The following PRKG1 variants were observed in gnomAD, a reference collection of about 807,000 sequenced individuals.
PRKG1 encodes protein kinase cGMP-dependent 1.
A neutral mutation model predicts 88.1 loss-of-function variants in PRKG1; 35 were observed. The observed-to-expected ratio is 0.40, with a 90% CI of 0.30 to 0.53. The LOEUF (loss-of-function observed/expected upper bound fraction) is 0.53, where lower values mean the gene tolerates loss of function less well. Ranked by LOEUF, PRKG1 falls within the 20% of genes least tolerant of loss-of-function variation. The probability of loss-of-function intolerance (pLI) is 0.59; values close to 1 mark genes in which losing one functional copy is unlikely to be tolerated. For missense variants in PRKG1, 540 were observed against 839.8 expected (o/e 0.64, Z 4.41); for synonymous variants, 303 against 292.5 (o/e 1.04, Z -0.37).
At chr10:51,754,156 T>A (rs191728730) in intron 3 of PRKG1, among the ~76,000 whole-genome samples, 134 of 152,278 alleles carry the variant, frequency 8.8e-4, no homozygotes, top group African/African-American at 3.2e-3. Flanking sequence ...CTTAGTTTGA[T>A]AATGATTGTT....
intron 3 of PRKG1, among the ~76,000 whole-genome samples, chr10:51,716,660 T>C (rs1308947216): frequency 6.6e-6 from 1 of 152,156 alleles, no homozygotes; most frequent in Non-Finnish European, 1.5e-5. Context: ...TGACCTCCTT[T>C]GAAGTGAATG....
intron 7 of PRKG1, among the ~76,000 whole-genome samples, chr10:52,110,650 A>T (rs1304185470): frequency 6.6e-6 from 1 of 152,104 alleles, no homozygotes; most frequent in Non-Finnish European, 1.5e-5. Context: ...CATAGTTTAG[A>T]GCTATGCTTC....
At chr10:51,662,360 T>C (rs914338468) in intron 3 of PRKG1, among the ~76,000 whole-genome samples, 3 of 152,162 alleles carry the variant, frequency 2.0e-5, no homozygotes, top group Admixed American at 1.3e-4. Flanking sequence ...TTTTAGAGTA[T>C]CTTTTTCTTG....
chr10:51,365,993 C>T (rs1007790743), intron 2 of PRKG1, among the ~76,000 whole-genome samples: 11 of 151,718 alleles, frequency 7.3e-5, no homozygotes, highest in Non-Finnish European at 1.3e-4. Flanking sequence ...GACTCTATCA[C>T]TCAAGTTCTA....
chr10:51,191,480 A>G (rs775810431), intron 2 of PRKG1, among the ~76,000 whole-genome samples: 1 of 151,836 alleles, frequency 6.6e-6, no homozygotes, highest in Non-Finnish European at 1.5e-5. Flanking sequence ...TTCAAAATAT[A>G]ATTAGGTGAA....
intron 2 of PRKG1, among the ~76,000 whole-genome samples, chr10:51,179,564 G>C (rs1837291525): frequency 6.6e-6 from 1 of 152,168 alleles, no homozygotes; most frequent in Admixed American, 6.5e-5. Context: ...CCACTGGAAG[G>C]CTGAAAGTTT....
intron 3 of PRKG1, among the ~76,000 whole-genome samples, chr10:51,535,250 T>C (rs1033472902): frequency 3.3e-5 from 5 of 152,180 alleles, no homozygotes; most frequent in Admixed American, 3.3e-4. Flanking sequence ...ACAGGAAATG[T>C]TAATATATTA....
chr10:52,092,211 C>T (rs1904020), intron 7 of PRKG1, among the ~76,000 whole-genome samples: 150,550 of 152,280 alleles, frequency 0.99, 74,449 homozygotes, highest in Middle Eastern at 1. Flanking sequence ...TGACAATACG[C>T]ATTTTAGGTA....
rs12264780 is a variant in PRKG1 at position 51,211,101 on chromosome 10, A to G, written c.478+57771A>G. On this transcript the variant is annotated intron_variant, in intron 2 of 17. Coordinates refer to ENST00000373980, the MANE Select transcript of PRKG1 (RefSeq NM_006258.4). The stretch of plus-strand genomic sequence containing the variant: ...GGCAAAACGAATCCAGCAACACATC[A>G]AAAAGCTTATCCAACATGATCAAGT... 1.6e-3 allele frequency among the ~76,000 whole-genome samples: 245 copies of G among 152,350 alleles called. 1 individual carries two copies. The highest frequency in any genetic ancestry group is 5.6e-3 in the African/African-American group (234 of 41,588).
chr10:52,072,158 C>CTTTTTTTTTTTTTTTTTTT lies in PRKG1; in HGVS notation c.935+9535_935+9553dup, dbSNP rs60576406. On this transcript the variant is annotated intron_variant, in intron 7 of 17. Transcript: ENST00000373980. ...GAGACTCTCAGGGTTTATTGTTTTGCTTTTTTTTTTTTTTTTTTTTTTTTT... is the reference window on the plus strand; with the variant it reads ...GAGACTCTCAGGGTTTATTGTTTTGCTTTTTTTTTTTTTTTTTTTTTTTTTTTTTTTTTTTTTTTTTTTT... Among the ~76,000 whole-genome samples the CTTTTTTTTTTTTTTTTTTT allele has an allele frequency of 3.3e-3, 132 of 39,568 alleles. 1 individual carries two copies. The highest frequency in any genetic ancestry group is 7.0e-3 in the East Asian group (6 of 862). 26.0% of individuals were successfully genotyped at this position (39,568 alleles called of 152,430 possible). A position where few individuals can be genotyped will look rare whatever the true frequency, so the allele number is the denominator to read the frequency against.
intron 3 of PRKG1, chr10:51,697,207 C>T: frequency 6.5e-6 from 1 of 154,748 alleles, no homozygotes; most frequent in East Asian, 1.9e-4. Flanking sequence ...CCTATTGCCT[C>T]CAAAATAGGA....
intron 5 of PRKG1, among the ~76,000 whole-genome samples, chr10:52,048,336 G>T (rs954006763): frequency 6.6e-6 from 1 of 152,092 alleles, no homozygotes; most frequent in African/African-American, 2.4e-5. Flanking sequence ...AATTTAGGGT[G>T]AGAATTTATT....
At chr10:51,784,268 C>T (rs1045344771) in intron 3 of PRKG1, among the ~76,000 whole-genome samples, 6 of 152,004 alleles carry the variant, frequency 3.9e-5, no homozygotes, top group Non-Finnish European at 8.8e-5. Flanking sequence ...CTTCTTTATG[C>T]CATTGTGTCT....
At chr10:51,437,901 A>G (rs1166117999) in intron 2 of PRKG1, among the ~76,000 whole-genome samples, 2 of 150,618 alleles carry the variant, frequency 1.3e-5, no homozygotes, top group Non-Finnish European at 3.0e-5. Context: ...ACAAGACAAG[A>G]CAGTCCCTAC....
chr10:51,339,147 A>G (rs538604883), intron 2 of PRKG1, among the ~76,000 whole-genome samples: 6 of 152,252 alleles, frequency 3.9e-5, no homozygotes, highest in African/African-American at 1.4e-4. Flanking sequence ...TAATACTTGA[A>G]ACATAAGAAA....
At chr10:51,735,810 C>A (rs1418053231) in intron 3 of PRKG1, among the ~76,000 whole-genome samples, 1 of 146,326 alleles carries the variant, frequency 6.8e-6, no homozygotes, top group African/African-American at 2.5e-5. Context: ...TGTTTTCTAT[C>A]CCTGGTTGTG....
intron 3 of PRKG1, among the ~76,000 whole-genome samples, chr10:51,796,031 C>A (rs1319114714): frequency 6.6e-6 from 1 of 152,064 alleles, no homozygotes; most frequent in Non-Finnish European, 1.5e-5. Flanking sequence ...AAAACCAGTT[C>A]TCTCCTAATA....
At chr10:52,019,125 T>C (rs1340036122) in intron 5 of PRKG1, among the ~76,000 whole-genome samples, 1 of 152,118 alleles carries the variant, frequency 6.6e-6, no homozygotes, top group Non-Finnish European at 1.5e-5. Context: ...AGGCTCTATA[T>C]AACAACCAGC....
chr10:52,062,935 C>G, intron 7 of PRKG1: 2 of 632,038 alleles, frequency 3.2e-6, no homozygotes, highest in Non-Finnish European at 5.7e-6. Flanking sequence ...CCCTGCTAAA[C>G]TTTGTGCAAT....
Sources: allele counts gnomAD v4.1 joint callset (sites outside exome capture counted in the v4.1 genomes callset), GRCh38; gene constraint gnomAD v4.1.1; transcripts MANE v1.5; gene names NCBI Gene and HGNC (gene_info 2026-07-23, HGNC 2026-07-21).